Variants in MAGI1 observed in about 807,000 individuals in gnomAD.
MAGI1 encodes membrane-associated guanylate kinase, WW and PDZ domain-containing protein 1.
A neutral mutation model predicts 139.9 loss-of-function variants in MAGI1; 58 were observed. The observed-to-expected ratio is 0.41, with a 90% CI of 0.34 to 0.52. The LOEUF (loss-of-function observed/expected upper bound fraction) is 0.52, where lower values mean the gene tolerates loss of function less well. MAGI1 is among the 20% of genes least tolerant of loss of function. MAGI1 has a pLI of 0.12. For synonymous variants in MAGI1, 812 were observed against 737.9 expected, an observed-to-expected ratio of 1.10 and a Z score of -1.63; for missense variants, 1,874 against 1,901.6, an observed-to-expected ratio of 0.99 and a Z score of 0.27.
intron 1 of MAGI1, among the ~76,000 whole-genome samples, chr3:65,805,995 A>G (rs1198641921): frequency 6.6e-6 from 1 of 152,184 alleles, no homozygotes; most frequent in Non-Finnish European, 1.5e-5. Flanking sequence ...GCAGGGCTTA[A>G]TACCTATGTG....
At chr3:65,725,608 T>C (rs1433083270) in intron 1 of MAGI1, among the ~76,000 whole-genome samples, 1 of 152,150 alleles carries the variant, frequency 6.6e-6, no homozygotes, top group African/African-American at 2.4e-5. Flanking sequence ...CCTTTTGACA[T>C]TCTCTGGCAT....
chr3:66,036,991 G>A (rs1327127461), intron 1 of MAGI1, among the ~76,000 whole-genome samples: 1 of 152,146 alleles, frequency 6.6e-6, no homozygotes, highest in Non-Finnish European at 1.5e-5. Context: ...TCTGAGAGAG[G>A]AATTTGCTTC....
At chr3:66,029,532 C>T (rs1356354212) in intron 1 of MAGI1, among the ~76,000 whole-genome samples, 1 of 152,174 alleles carries the variant, frequency 6.6e-6, no homozygotes, top group East Asian at 1.9e-4. Context: ...AGTCTATACA[C>T]ACAGCCAGAA....
rs192684245 is a variant in MAGI1 at position 65,918,607 on chromosome 3, G to A, written c.313+119389C>T. 1.0e-3 allele frequency among the ~76,000 whole-genome samples: 155 copies of A among 151,940 alleles called. 1 individual carries two copies. In the Middle Eastern group the frequency reaches 0.01, roughly 10 times the overall value. ...TGTTGGTCAGGCTGGTCTCAATCTC[G>A]TGACCTCATGATCCGCCTGCCTTGG... On this transcript the variant is annotated intron_variant, in intron 1 of 22. Transcript: ENST00000402939.
At position 65,356,615 on chromosome 3, in the gene MAGI1, G is replaced by T. The variant is rs538884768; in HGVS notation, c.4152C>A (p.Pro1384=). ...CGGGCGAGCCCCCTCTCCTGCGCTC[G>T]GGGGACCTCCTCTGCTCCAGGAGTC... The part of the protein sequence containing the change: ...LERLLEQRRS[P]ERRRGGSPER... The change falls in exon 23 of 23, where the codon CCC becomes CCA. Residue 1384 remains proline (P), a synonymous_variant. Coordinates refer to ENST00000402939, the MANE Select transcript of MAGI1 (RefSeq NM_001033057.2). 3.8e-6 allele frequency: 6 copies of T among 1,593,934 alleles called. No individual in the cohort carries two copies. Among genetic ancestry groups the T allele is most frequent in the Non-Finnish European group, 5.1e-6 (6 of 1,172,522 alleles).
chr3:65,383,472 C>T (rs1022204328), intron 15 of MAGI1, 60 bp downstream of exon 15: 1 of 1,284,150 alleles, frequency 7.8e-7, no homozygotes, highest in Non-Finnish European at 1.1e-6. Flanking sequence ...GTCACTGTCG[C>T]CAATTTGCTT....
intron 1 of MAGI1, among the ~76,000 whole-genome samples, chr3:65,863,512 C>G (rs1317499933): frequency 2.0e-5 from 3 of 152,132 alleles, no homozygotes; most frequent in Non-Finnish European, 4.4e-5. Context: ...ACTACTTGGC[C>G]TCAAATATCA....
At chr3:65,789,015 A>G (rs1033431940) in intron 1 of MAGI1, among the ~76,000 whole-genome samples, 12 of 151,712 alleles carry the variant, frequency 7.9e-5, no homozygotes, top group African/African-American at 2.9e-4. Flanking sequence ...CCATCTCTAC[A>G]AAAAAAATGT....
At chr3:65,666,618 C>T (rs143647708) in intron 1 of MAGI1, among the ~76,000 whole-genome samples, 1,873 of 152,248 alleles carry the variant, frequency 0.012, 42 homozygotes, top group Non-Finnish European at 0.013. Flanking sequence ...TGAGCAATTC[C>T]CAAACTGATT....
chr3:65,530,764 T>TATATACAC (rs1220825275), intron 2 of MAGI1, among the ~76,000 whole-genome samples: 4,455 of 23,040 alleles, frequency 0.19, 719 homozygotes, highest in Admixed American at 0.36. Context: ...CACGTATATA[T>TATATACAC]ATATATATAC....
intron 1 of MAGI1, among the ~76,000 whole-genome samples, chr3:65,941,689 T>C (rs1293735392): frequency 6.6e-6 from 1 of 151,724 alleles, no homozygotes; most frequent in East Asian, 1.9e-4. Flanking sequence ...AGCTCTTGAG[T>C]TTGGCTTCTC....
intron 1 of MAGI1, among the ~76,000 whole-genome samples, chr3:65,707,121 T>A (rs528357288): frequency 6.6e-6 from 1 of 152,324 alleles, no homozygotes; most frequent in South Asian, 2.1e-4. Flanking sequence ...AGATGTTGTA[T>A]AAACTTCTAT....
chr3:65,911,286 T>A (rs762811978), intron 1 of MAGI1, among the ~76,000 whole-genome samples: 1 of 151,908 alleles, frequency 6.6e-6, no homozygotes, highest in African/African-American at 2.4e-5. Context: ...ACTGGGACAT[T>A]TGAACGTTTG....
intron 1 of MAGI1, among the ~76,000 whole-genome samples, chr3:65,671,315 T>G (rs2086844265): frequency 6.6e-6 from 1 of 152,162 alleles, no homozygotes; most frequent in African/African-American, 2.4e-5. Flanking sequence ...ATCTTTGCTC[T>G]GCATTGCTAT....
chr3:66,013,097 T>C (rs1462135324), intron 1 of MAGI1, among the ~76,000 whole-genome samples: 1 of 152,150 alleles, frequency 6.6e-6, no homozygotes, highest in Non-Finnish European at 1.5e-5. Flanking sequence ...GGTGTGCTGT[T>C]TTCCCAAAGA....
At chr3:65,628,608 T>C (rs745447693) in intron 1 of MAGI1, among the ~76,000 whole-genome samples, 3 of 151,996 alleles carry the variant, frequency 2.0e-5, no homozygotes, top group Non-Finnish European at 2.9e-5. Flanking sequence ...GCATAAATGA[T>C]AGCATTTGGG....
intron 1 of MAGI1, among the ~76,000 whole-genome samples, chr3:66,032,254 C>T (rs984069822): frequency 1.3e-5 from 2 of 152,048 alleles, no homozygotes; most frequent in Non-Finnish European, 2.9e-5. Flanking sequence ...CTCTGTCACC[C>T]AGGCTGGAGT....
At chr3:65,844,141 C>A in intron 1 of MAGI1, 1 of 519,210 alleles carries the variant, frequency 1.9e-6, no homozygotes, top group South Asian at 1.4e-5. Context: ...GTCGGTGGCC[C>A]AAAAAGAGTG....
intron 2 of MAGI1, among the ~76,000 whole-genome samples, chr3:65,612,357 C>A (rs1209906394): frequency 6.6e-6 from 1 of 152,060 alleles, no homozygotes; most frequent in Non-Finnish European, 1.5e-5. Flanking sequence ...TCTCCCTCCT[C>A]CCACACATAA....
Sources: allele counts gnomAD v4.1 joint callset (sites outside exome capture counted in the v4.1 genomes callset), GRCh38; gene constraint gnomAD v4.1.1; transcripts MANE v1.5; gene names NCBI Gene and HGNC (gene_info 2026-07-23, HGNC 2026-07-21).